The following BIRC6 variants were observed in gnomAD, a reference collection of about 807,000 sequenced individuals.
BIRC6 encodes dual E2 ubiquitin-conjugating enzyme/E3 ubiquitin-protein ligase BIRC6.
In BIRC6, 98 loss-of-function variants were observed where a neutral mutation model predicts 503.3. The observed-to-expected ratio is 0.19, with a 90% confidence interval of 0.17 to 0.23. BIRC6 has a LOEUF of 0.23. BIRC6 is among the 10% of genes least tolerant of loss of function. The pLI is 1.00. For synonymous variants in BIRC6, 2,240 were observed against 2,078.7 expected (o/e 1.08, Z -2.11); for missense variants, 5,360 against 5,806.0 (o/e 0.92, Z 2.50).
intron 65 of BIRC6, chr2:32,563,289 T>C (rs751441279): frequency 6.6e-6 from 1 of 152,194 alleles, no homozygotes; most frequent in South Asian, 2.1e-4. Flanking sequence ...TCAGTATAAA[T>C]TCTGATTTTT....
chr2:32,373,800 G>T (rs553297199), intron 1 of BIRC6, among the ~76,000 whole-genome samples: 2 of 152,234 alleles, frequency 1.3e-5, no homozygotes, highest in African/African-American at 4.8e-5. Context: ...AGTGTTCATA[G>T]CAGCACTCTT....
At chr2:32,504,348 G>A (rs573772933) in intron 49 of BIRC6, among the ~76,000 whole-genome samples, 46 of 151,974 alleles carry the variant, frequency 3.0e-4, no homozygotes, top group Admixed American at 9.8e-4. Context: ...TAAAGGTGAA[G>A]GATATATTGG....
chr2:32,433,165 A>C (rs2044327849), intron 12 of BIRC6, among the ~76,000 whole-genome samples: 1 of 152,204 alleles, frequency 6.6e-6, no homozygotes, highest in Non-Finnish European at 1.5e-5. Context: ...GGGTTTTTTC[A>C]TAATGAGTTT....
intron 49 of BIRC6, among the ~76,000 whole-genome samples, chr2:32,504,078 T>TGTGTGTG (rs1558912926): frequency 7.1e-5 from 7 of 98,810 alleles, no homozygotes; most frequent in African/African-American, 2.4e-4. Flanking sequence ...GTGTGTGTGT[T>TGTGTGTG]TAGTAGAGAT....
intron 66 of BIRC6, among the ~76,000 whole-genome samples, chr2:32,583,015 A>G (rs1198578441): frequency 2.6e-5 from 4 of 152,196 alleles, no homozygotes; most frequent in Admixed American, 6.5e-5. Context: ...GTCCTCAATT[A>G]CACCTTAATA....
chr2:32,559,914 G>T (rs1293232934), intron 65 of BIRC6, among the ~76,000 whole-genome samples: 1 of 151,940 alleles, frequency 6.6e-6, no homozygotes, highest in Non-Finnish European at 1.5e-5. Flanking sequence ...TGCTTGGAAG[G>T]CTGAGGCAGG....
chr2:32,425,684 T>A (rs1455405145), intron 10 of BIRC6, among the ~76,000 whole-genome samples: 1 of 152,210 alleles, frequency 6.6e-6, no homozygotes. Flanking sequence ...GTTCTATCTC[T>A]TTAAATCTTC....
intron 1 of BIRC6, among the ~76,000 whole-genome samples, chr2:32,359,314 G>A (rs2033680978): frequency 6.6e-6 from 1 of 152,144 alleles, no homozygotes; most frequent in Non-Finnish European, 1.5e-5. Flanking sequence ...GAATTTTATG[G>A]TGTGCTTTTT....
In BIRC6 at chr2:32,357,142, G is replaced by C. The variant is rs1250469325; in HGVS notation, c.-20G>C. ...GACTTCACTTCCGGCTAACGCGCTC[G>C]GCTTGCCCCCTGGCCCCGGATGGTG... On this transcript the variant is annotated 5_prime_UTR_variant, in exon 1 of 74. Transcript: ENST00000421745. This position sits in a 1 kb window ranked among gnomAD's most constrained non-coding sequence, Gnocchi z 4.9. The C allele has an allele frequency of 6.8e-7, 1 of 1,475,516 alleles. No individual in the cohort carries two copies. The highest frequency in any genetic ancestry group is 1.5e-5 in the African/African-American group (1 of 67,414). 91.4% of individuals were successfully genotyped at this position (1,475,516 alleles called of 1,614,324 possible).
chr2:32,430,434 T>G (rs1172269109), intron 11 of BIRC6, among the ~76,000 whole-genome samples: 2 of 152,194 alleles, frequency 1.3e-5, no homozygotes, highest in African/African-American at 4.8e-5. Context: ...GTTTTAGTGT[T>G]TTATTCATAT....
At chr2:32,541,237 A>G (rs531299389) in intron 61 of BIRC6, among the ~76,000 whole-genome samples, 26 of 152,188 alleles carry the variant, frequency 1.7e-4, no homozygotes, top group African/African-American at 6.0e-4. Flanking sequence ...AAATTTGCCT[A>G]TAAAGGGTTT....
At chr2:32,535,132 C>T (rs1268225978) in intron 61 of BIRC6, among the ~76,000 whole-genome samples, 1 of 110,850 alleles carries the variant, frequency 9.0e-6, no homozygotes, top group African/African-American at 3.5e-5. Flanking sequence ...ATAACAAGAC[C>T]TCATACCCCC....
At chr2:32,437,043 A>G (rs2044801747) in intron 15 of BIRC6, among the ~76,000 whole-genome samples, 1 of 151,678 alleles carries the variant, frequency 6.6e-6, no homozygotes, top group Non-Finnish European at 1.5e-5. Context: ...CGTGTGCCAC[A>G]ATGCCTGGCT....
chr2:32,558,326 A>AG (rs1388018775), intron 65 of BIRC6, among the ~76,000 whole-genome samples: 1 of 152,050 alleles, frequency 6.6e-6, no homozygotes, highest in Non-Finnish European at 1.5e-5. Flanking sequence ...TATACAAAAA[A>AG]CTACACATAC....
rs938354476 is a variant in BIRC6, at chr2:32,598,038, C to CA, written c.13830+74dup. On this transcript the variant is annotated intron_variant, in intron 69 of 73. Coordinates refer to ENST00000421745, the MANE Select transcript of BIRC6 (RefSeq NM_016252.4). ...TCATCTAATTACTCAAATTTTTATACAAAACTGGAAATACTATACAAATAA... is the reference window on the plus strand; with the variant it reads ...TCATCTAATTACTCAAATTTTTATACAAAAACTGGAAATACTATACAAATAA... 60 of 1,310,872 alleles carry CA rather than the reference C, an allele frequency of 4.6e-5. No homozygotes were observed. In the African/African-American group the frequency reaches 7.1e-4, roughly 16 times the overall value. 81.2% of individuals were successfully genotyped at this position (1,310,872 alleles called of 1,614,324 possible).
chr2:32,445,496 T>C (rs1166931653), intron 20 of BIRC6, 25 bp from the exon 21 acceptor site: 1 of 1,509,866 alleles, frequency 6.6e-7, no homozygotes, highest in Non-Finnish European at 8.9e-7. Flanking sequence ...AAAAGAAACA[T>C]TTATTTTGTT....
In BIRC6 at chr2:32,401,448, T is replaced by A; in HGVS notation, c.1258-15T>A. 6.2e-7 allele frequency: 1 copy of A among 1,613,038 alleles called. No homozygotes were observed. The highest frequency in any genetic ancestry group is 8.5e-7 in the Non-Finnish European group (1 of 1,179,452). ...AAAAAGATCAGTTGTAAACTTAGGC[T>A]TTTCATTTGTTTAGGTGCACTTAAA... On this transcript the variant is annotated splice_polypyrimidine_tract_variant and intron_variant, in intron 7 of 73. Transcript: ENST00000421745.
intron 1 of BIRC6, among the ~76,000 whole-genome samples, chr2:32,375,573 C>T (rs1015310218): frequency 6.6e-6 from 1 of 151,286 alleles, no homozygotes; most frequent in Non-Finnish European, 1.5e-5. Context: ...AGGCATGAGC[C>T]ACCATGCCAG....
chr2:32,579,568 A>T (rs886752575), intron 66 of BIRC6, among the ~76,000 whole-genome samples: 1 of 152,084 alleles, frequency 6.6e-6, no homozygotes, highest in Admixed American at 6.5e-5. Context: ...CTGCACCTGT[A>T]GTCCTAGCTG....
Sources: allele counts gnomAD v4.1 joint callset (sites outside exome capture counted in the v4.1 genomes callset), GRCh38; gene constraint gnomAD v4.1.1; non-coding constraint Gnocchi (gnomAD v3.1); transcripts MANE v1.5; gene names NCBI Gene and HGNC (gene_info 2026-07-23, HGNC 2026-07-21).